CNTN1: variants seen among roughly 807,000 people sequenced by gnomAD.
The protein encoded by CNTN1 is contactin-1.
In CNTN1, 38 loss-of-function variants were observed where a neutral mutation model predicts 126.4. That is an observed-to-expected ratio of 0.30 (90% CI 0.23 to 0.39). The LOEUF (loss-of-function observed/expected upper bound fraction) is 0.39, where lower values mean the gene tolerates loss of function less well. CNTN1 is among the 10% of genes least tolerant of loss of function. The probability of loss-of-function intolerance (pLI) is 1.00; values close to 1 mark genes in which losing one functional copy is unlikely to be tolerated. For synonymous variants in CNTN1, 413 were observed against 422.6 expected (o/e 0.98, Z 0.28); for missense variants, 1,009 against 1,248.4 (o/e 0.81, Z 2.89).
chr12:40,795,630 A>G (rs993491532), intron 1 of CNTN1, among the ~76,000 whole-genome samples: 1 of 152,118 alleles, frequency 6.6e-6, no homozygotes, highest in African/African-American at 2.4e-5. Context: ...CTTAAAAACT[A>G]ATAAATGGAA....
intron 14 of CNTN1, among the ~76,000 whole-genome samples, chr12:40,957,709 A>G (rs546066242): frequency 6.6e-6 from 1 of 152,080 alleles, no homozygotes; most frequent in East Asian, 1.9e-4. Flanking sequence ...TTTTTGACCA[A>G]TCTATACCTC....
intron 1 of CNTN1, among the ~76,000 whole-genome samples, chr12:40,904,065 C>G (rs967279036): frequency 6.6e-6 from 1 of 152,216 alleles, no homozygotes; most frequent in Non-Finnish European, 1.5e-5. Context: ...GTCGCCTAGG[C>G]TGGAGTGCAG....
intron 1 of CNTN1, among the ~76,000 whole-genome samples, chr12:40,876,514 T>C: frequency 6.6e-6 from 1 of 152,102 alleles, no homozygotes; most frequent in East Asian, 1.9e-4. Context: ...GAAATTTGAC[T>C]AAACCATCAA....
intron 12 of CNTN1, among the ~76,000 whole-genome samples, chr12:40,939,977 A>AT (rs2136940020): frequency 6.6e-6 from 1 of 152,320 alleles, no homozygotes; most frequent in Non-Finnish European, 1.5e-5. Flanking sequence ...CATCTTCCTT[A>AT]TAAATGGACC....
chr12:40,808,566 T>C (rs1322690025), intron 1 of CNTN1, among the ~76,000 whole-genome samples: 1 of 152,206 alleles, frequency 6.6e-6, no homozygotes, highest in Non-Finnish European at 1.5e-5. Context: ...ATTTTAAAAA[T>C]ATAATTTAAA....
At chr12:40,794,302 G>A (rs1045243210) in intron 1 of CNTN1, among the ~76,000 whole-genome samples, 3 of 151,958 alleles carry the variant, frequency 2.0e-5, no homozygotes, top group Non-Finnish European at 2.9e-5. Context: ...TATAAATGGG[G>A]GATTGTTGGT....
At chr12:41,053,140 T>C (rs1433679548) in intron 23 of CNTN1, among the ~76,000 whole-genome samples, 1 of 151,510 alleles carries the variant, frequency 6.6e-6, no homozygotes, top group Non-Finnish European at 1.5e-5. Flanking sequence ...AAAATAATGA[T>C]GCCATCACAT....
At chr12:41,002,349 C>T (rs1397291327) in intron 17 of CNTN1, among the ~76,000 whole-genome samples, 1 of 152,002 alleles carries the variant, frequency 6.6e-6, no homozygotes, top group Non-Finnish European at 1.5e-5. Flanking sequence ...TAGAGATATT[C>T]ATCTCCCTAG....
intron 1 of CNTN1, among the ~76,000 whole-genome samples, chr12:40,870,943 A>G (rs1943466959): frequency 6.6e-6 from 1 of 152,110 alleles, no homozygotes; most frequent in Non-Finnish European, 1.5e-5. Flanking sequence ...AATAAAAGTG[A>G]GTGAATAGAT....
chr12:40,973,807 A>T (rs1321366569), intron 15 of CNTN1, among the ~76,000 whole-genome samples: 13 of 152,140 alleles, frequency 8.5e-5, no homozygotes, highest in Admixed American at 8.5e-4. Context: ...AGTGGCACCA[A>T]CTCAAATGAT....
chr12:40,747,726 T>G (rs1042070622), intron 1 of CNTN1, among the ~76,000 whole-genome samples: 1 of 152,090 alleles, frequency 6.6e-6, no homozygotes, highest in Non-Finnish European at 1.5e-5. Flanking sequence ...CACGGAGTGG[T>G]AAGAAAAATT....
At chr12:40,951,314 T>A (rs1377604108) in intron 14 of CNTN1, among the ~76,000 whole-genome samples, 1 of 152,178 alleles carries the variant, frequency 6.6e-6, no homozygotes, top group African/African-American at 2.4e-5. Flanking sequence ...TTAATTTATA[T>A]GCAAACACAC....
At position 40,797,883 on chromosome 12, in the gene CNTN1, C is replaced by T. The variant is rs374513492; in HGVS notation, c.-77+105291C>T. On this transcript the variant is annotated intron_variant, in intron 1 of 23. Transcript: ENST00000551295. ...GATGGGTGGAGACTGGTCCCATTAA[C>T]GAGAATAGGGAGAACTGGAAGATGA... 2.6e-4 allele frequency among the ~76,000 whole-genome samples: 39 copies of T among 152,070 alleles called. 1 individual carries two copies. The South Asian group carries it at 6.0e-3, about 23-fold the overall frequency.
intron 1 of CNTN1, among the ~76,000 whole-genome samples, chr12:40,749,548 G>GT (rs1555150237): frequency 1.1e-3 from 165 of 143,838 alleles, no homozygotes; most frequent in Middle Eastern, 7.6e-3. Flanking sequence ...ACTAGGGTGA[G>GT]GTCATAAAGA....
intron 1 of CNTN1, among the ~76,000 whole-genome samples, chr12:40,865,536 G>A (rs931196481): frequency 5.9e-5 from 9 of 151,838 alleles, no homozygotes; most frequent in African/African-American, 2.2e-4. Flanking sequence ...GTGAAGTAGG[G>A]GTCCAAACTT....
rs569757418 is a variant in CNTN1, at chr12:41,041,281, G to C, written c.2980+12062G>C. On this transcript the variant is annotated intron_variant, in intron 23 of 23. Transcript: ENST00000551295. The stretch of plus-strand genomic sequence containing the variant: ...GGATGAAGCCCACTTGATCATGGTG[G>C]ATAAGCTTTTTGATGTGCTGCTGGA... 1.6e-3 allele frequency among the ~76,000 whole-genome samples: 237 copies of C among 152,180 alleles called. 2 individuals are homozygous for C. The highest frequency in any genetic ancestry group is 5.3e-3 in the African/African-American group (222 of 41,522).
intron 1 of CNTN1, among the ~76,000 whole-genome samples, chr12:40,697,165 T>G (rs1941470653): frequency 6.6e-6 from 1 of 152,208 alleles, no homozygotes; most frequent in Admixed American, 6.5e-5. Flanking sequence ...GTAAATATTT[T>G]TAGCCTCATA....
At chr12:40,813,062 C>CTTTCTTT (rs1565773275) in intron 1 of CNTN1, among the ~76,000 whole-genome samples, 4 of 71,158 alleles carry the variant, frequency 5.6e-5, no homozygotes, top group African/African-American at 2.2e-4. Flanking sequence ...TTTCTTTCTT[C>CTTTCTTT]CTTCCTTCCT....
rs537902810 is a variant in CNTN1 at position 40,734,595 on chromosome 12, A to G, written c.-77+42003A>G. Among the ~76,000 whole-genome samples the G allele has an allele frequency of 1.3e-3, 198 of 152,260 alleles. 1 individual carries two copies. Among genetic ancestry groups the G allele is most frequent in the African/African-American group, 4.4e-3 (182 of 41,592 alleles). ...TCAGCCCACATTTTCTCATTAGGAA[A>G]ATAGAAAAAATGATTTTACTTAGCT... On this transcript the variant is annotated intron_variant, in intron 1 of 23. Transcript: ENST00000551295.
Sources: allele counts gnomAD v4.1 joint callset (sites outside exome capture counted in the v4.1 genomes callset), GRCh38; gene constraint gnomAD v4.1.1; transcripts MANE v1.5; gene names NCBI Gene and HGNC (gene_info 2026-07-23, HGNC 2026-07-21).